The following ENDOV variants were observed in gnomAD, a reference collection of about 807,000 sequenced individuals.
ENDOV encodes endonuclease V.
Under a neutral mutation model 39.4 loss-of-function variants are expected in ENDOV, and 37 were observed. The observed-to-expected ratio is 0.94, with a 90% CI of 0.72 to 1.23. ENDOV has a LOEUF of 1.23. Ranked by LOEUF, ENDOV falls within the 50% of genes most tolerant of loss-of-function variation. ENDOV has a pLI of 0.00. For synonymous variants in ENDOV, 186 were observed against 163.4 expected, an observed-to-expected ratio of 1.14 and a Z score of -1.05; for missense variants, 441 against 375.7, an observed-to-expected ratio of 1.17 and a Z score of -1.44.
chr17:80,431,334 G>T lies in ENDOV; in HGVS notation c.838+1503G>T, dbSNP rs1292856262. 2.6e-5 allele frequency among the ~76,000 whole-genome samples: 4 copies of T among 152,350 alleles called. No homozygotes were observed. In the South Asian group the frequency reaches 8.3e-4, roughly 32 times the overall value. On this transcript the variant is annotated intron_variant, in intron 9 of 9. Transcript: ENST00000518137. ...GAAAGCTGCTTTGGAGGGCTGGGCT[G>T]CAGGGGCAGAGGCTCTGGAAAAGAG...
chr17:80,424,407 A>G (rs2144990261), intron 5 of ENDOV: 1 of 399,150 alleles, frequency 2.5e-6, no homozygotes, highest in East Asian at 3.6e-5. Flanking sequence ...CTCAGCACCC[A>G]TCACTGGGCA....
chr17:80,415,877 G>C, intron 2 of ENDOV, 56 bp downstream of exon 2: 1 of 1,543,708 alleles, frequency 6.5e-7, no homozygotes, highest in African/African-American at 1.4e-5. Flanking sequence ...TCGGGCGTGC[G>C]GTCTCCGGGA....
chr17:80,436,470 T>G lies in ENDOV; in HGVS notation c.*327T>G. On this transcript the variant is annotated 3_prime_UTR_variant, in exon 10 of 10. Coordinates refer to ENST00000518137, the MANE Select transcript of ENDOV (RefSeq NM_173627.5). ...CCTTCTAGTCCTAATTTGTTAAGTG[T>G]TTTTATCCTTAAAGGGTACTGGATT... is the stretch of plus-strand genomic sequence containing the variant. The G allele has an allele frequency of 1.1e-6, 1 of 877,298 alleles. No homozygotes were observed. The highest frequency in any genetic ancestry group is 1.5e-6 in the Non-Finnish European group (1 of 645,664). 54.3% of individuals were successfully genotyped at this position (877,298 alleles called of 1,614,324 possible).
chr17:80,432,867 G>A (rs41301928), intron 9 of ENDOV, among the ~76,000 whole-genome samples: 2,569 of 152,226 alleles, frequency 0.017, 38 homozygotes, highest in Non-Finnish European at 0.025. Flanking sequence ...GAGGGCACTC[G>A]TGGGAAAGGG....
rs41301934 is a variant in ENDOV, at chr17:80,433,227, C to T, written c.839-2906C>T. 862 of 519,958 alleles carry T rather than the reference C, an allele frequency of 1.7e-3. 5 individuals carry two copies. Among genetic ancestry groups the T allele is most frequent in the African/African-American group, 0.013 (677 of 52,090 alleles). 32.2% of individuals were successfully genotyped at this position (519,958 alleles called of 1,614,324 possible). A position where few individuals can be genotyped will look rare whatever the true frequency, so the allele number is the denominator to read the frequency against. ...GGCTGGCCTTGAGCAAAGCTCAAAA[C>T]GCATCCCACAGGGGTCAGTACCTGC... is the stretch of plus-strand genomic sequence containing the variant. On this transcript the variant is annotated intron_variant, in intron 9 of 9. Coordinates refer to ENST00000518137, the MANE Select transcript of ENDOV (RefSeq NM_173627.5).
intron 1 of ENDOV, 145 bp from the exon 2 acceptor site, chr17:80,415,505 C>A: frequency 8.6e-7 from 1 of 1,162,854 alleles, no homozygotes; most frequent in Non-Finnish European, 1.2e-6. Flanking sequence ...CTCCTAGGGA[C>A]TGTGGCCTCG....
intron 4 of ENDOV, among the ~76,000 whole-genome samples, chr17:80,423,124 G>A (rs2082267878): frequency 6.6e-6 from 1 of 152,216 alleles, no homozygotes; most frequent in Non-Finnish European, 1.5e-5. Flanking sequence ...CCTGGCTGCT[G>A]CCCTCGCACA....
Position 80,436,847 on chromosome 17 carries a change from T to C in ENDOV, c.*704T>C, listed in dbSNP as rs532579812. The C allele has an allele frequency of 3.3e-5, 5 of 153,492 alleles. No homozygotes were observed. In the East Asian group the frequency reaches 9.6e-4, roughly 29 times the overall value. The allele number at this position is 153,492 out of a possible 1,614,324, so 9.5% of individuals were successfully genotyped here. A position where few individuals can be genotyped will look rare whatever the true frequency, so the allele number is the denominator to read the frequency against. On this transcript the variant is annotated 3_prime_UTR_variant, in exon 10 of 10. Coordinates refer to ENST00000518137, the MANE Select transcript of ENDOV (RefSeq NM_173627.5). ...TGGTGTTAATTCTTGCTAGAACCTT[T>C]GGTAGAATTTGCCAGTAAGCCTATC...
intron 9 of ENDOV, 141 bp from the exon 10 acceptor site, chr17:80,435,992 C>A (rs371750347): frequency 2.2e-6 from 2 of 904,526 alleles, no homozygotes; most frequent in African/African-American, 1.6e-5. Context: ...TGGGCTCAAG[C>A]TTTCCTCCCA....
At chr17:80,429,910 A>T (rs1371407770) in intron 9 of ENDOV, 79 bp downstream of exon 9, 4 of 1,609,490 alleles carry the variant, frequency 2.5e-6, no homozygotes, top group Non-Finnish European at 3.4e-6. Context: ...CAGGCGGGCA[A>T]GGACTGGCAG....
intron 2 of ENDOV, chr17:80,417,139 C>T (rs41298666): frequency 6.6e-6 from 1 of 152,328 alleles, no homozygotes; most frequent in Non-Finnish European, 1.5e-5. Context: ...GCTTCAAGGC[C>T]CGTCATGACC....
rs1237356163 is a variant in ENDOV, at chr17:80,436,971, T to C, written c.*828T>C. 1 of 152,780 alleles carries C rather than the reference T, an allele frequency of 6.5e-6. No individual in the cohort carries two copies. Among genetic ancestry groups the C allele is most frequent in the Non-Finnish European group, 1.5e-5 (1 of 68,128 alleles). 9.5% of individuals were successfully genotyped at this position (152,780 alleles called of 1,614,324 possible). A position where few individuals can be genotyped will look rare whatever the true frequency, so the allele number is the denominator to read the frequency against. On this transcript the variant is annotated 3_prime_UTR_variant, in exon 10 of 10. Transcript: ENST00000518137. ...TCCTTGAGTCAGTTGCTAGCTTGTG[T>C]GTTTCTTGGAGTTTTTCCGTTTCGT... is the stretch of plus-strand genomic sequence containing the variant.
intron 7 of ENDOV, chr17:80,427,302 G>T (rs1303567499): frequency 6.7e-6 from 3 of 450,278 alleles, no homozygotes. Context: ...TTCAGCCACA[G>T]GAACTTTAGG....
At chr17:80,430,325 A>G in intron 9 of ENDOV, 1 of 1,522,738 alleles carries the variant, frequency 6.6e-7, no homozygotes, top group Non-Finnish European at 8.8e-7. Context: ...AATAGATGGA[A>G]CTTGCTTGCT....
chr17:80,416,533 T>C (rs1317658222), intron 2 of ENDOV, among the ~76,000 whole-genome samples: 2 of 152,144 alleles, frequency 1.3e-5, no homozygotes, highest in African/African-American at 4.8e-5. Flanking sequence ...TCCCCTCTGC[T>C]CCTTCCCTGG....
At chr17:80,434,138 G>A (rs1053868827) in intron 9 of ENDOV, among the ~76,000 whole-genome samples, 12 of 152,278 alleles carry the variant, frequency 7.9e-5, no homozygotes, top group East Asian at 3.9e-4. Flanking sequence ...GCACCATGCC[G>A]ACGTGGAATC....
Position 80,419,431 on chromosome 17 carries a change from C to T in ENDOV, c.229-2397C>T, listed in dbSNP as rs534052840. 121 of 620,664 alleles carry T rather than the reference C, an allele frequency of 1.9e-4. No individual in the cohort carries two copies. In the South Asian group the frequency reaches 2.0e-3, roughly 10 times the overall value. The allele number at this position is 620,664 out of a possible 1,614,324, so 38.4% of individuals were successfully genotyped here. A position where few individuals can be genotyped will look rare whatever the true frequency, so the allele number is the denominator to read the frequency against. Reference sequence around the variant, plus strand: ...TGTGTGCTGCTCCGCAGGCCTCTGGCGGAGCCCATTCCATGCCAGATGCTG... The same window carrying T: ...TGTGTGCTGCTCCGCAGGCCTCTGGTGGAGCCCATTCCATGCCAGATGCTG... On this transcript the variant is annotated intron_variant, in intron 2 of 9. Transcript: ENST00000518137.
rs1047943876 is a variant in ENDOV at position 80,417,361 on chromosome 17, C to A, written c.228+1540C>A. 8 of 152,398 alleles carry A rather than the reference C, an allele frequency of 5.2e-5. No homozygotes were observed. The East Asian group carries it at 1.2e-3, about 22-fold the overall frequency. 9.4% of individuals were successfully genotyped at this position (152,398 alleles called of 1,614,324 possible). On this transcript the variant is annotated intron_variant, in intron 2 of 9. Coordinates refer to ENST00000518137, the MANE Select transcript of ENDOV (RefSeq NM_173627.5). ...GGGCTCAGTTTAGACATGACGTCCTCCACTAAGCTCCCTCTCATCCCACAA... is the reference window on the plus strand; with the variant it reads ...GGGCTCAGTTTAGACATGACGTCCTACACTAAGCTCCCTCTCATCCCACAA...
chr17:80,422,760 C>T (rs1039814330), intron 4 of ENDOV, among the ~76,000 whole-genome samples: 8 of 152,038 alleles, frequency 5.3e-5, no homozygotes, highest in Admixed American at 1.3e-4. Context: ...AGTGCAGTGG[C>T]GCGATCTCGG....
Sources: gnomAD v4.1 joint callset for allele counts (sites outside exome capture counted in the v4.1 genomes callset) on GRCh38, gnomAD v4.1.1 for gene constraint, MANE v1.5 for transcripts, NCBI Gene and HGNC (gene_info 2026-07-23, HGNC 2026-07-21) for gene names.